Variants in DSCAM observed in about 807,000 individuals in gnomAD.
The protein encoded by DSCAM is cell adhesion molecule DSCAM.
DSCAM carries 47 observed loss-of-function variants against 217.7 expected under a neutral mutation model. That is an observed-to-expected ratio of 0.22 (90% CI 0.17 to 0.28). The LOEUF (loss-of-function observed/expected upper bound fraction) is 0.28, where lower values mean the gene tolerates loss of function less well. Ranked by LOEUF, DSCAM falls within the 10% of genes least tolerant of loss-of-function variation. The pLI, the probability that DSCAM is intolerant of heterozygous loss-of-function variation, is 1.00. For synonymous variants in DSCAM, 1,056 were observed against 1,015.3 expected (o/e 1.04, Z -0.76); for missense variants, 2,080 against 2,618.3 (o/e 0.79, Z 4.49).
At chr21:40,791,081 G>C (rs2091638282) in intron 1 of DSCAM, among the ~76,000 whole-genome samples, 1 of 151,856 alleles carries the variant, frequency 6.6e-6, no homozygotes, top group Admixed American at 6.6e-5. Flanking sequence ...CTACTCAGGA[G>C]GCTAAGGCAG....
At chr21:40,692,535 C>T (rs1263788134) in intron 3 of DSCAM, among the ~76,000 whole-genome samples, 1 of 152,084 alleles carries the variant, frequency 6.6e-6, no homozygotes, top group Non-Finnish European at 1.5e-5. Context: ...GACGTAAAAC[C>T]ACAATTTTCT....
At chr21:40,578,404 T>A (rs930422227) in intron 3 of DSCAM, among the ~76,000 whole-genome samples, 2 of 151,948 alleles carry the variant, frequency 1.3e-5, no homozygotes, top group African/African-American at 4.8e-5. Flanking sequence ...AATGCACCAG[T>A]CAGCACTCTG....
At chr21:40,037,628 G>T (rs2088651569) in intron 32 of DSCAM, among the ~76,000 whole-genome samples, 1 of 149,762 alleles carries the variant, frequency 6.7e-6, no homozygotes, top group Non-Finnish European at 1.5e-5. Flanking sequence ...TCCCCATCAA[G>T]CTACCAATGC....
intron 32 of DSCAM, among the ~76,000 whole-genome samples, chr21:40,018,287 G>C (rs778762805): frequency 2.0e-5 from 3 of 152,054 alleles, no homozygotes; most frequent in Non-Finnish European, 4.4e-5. Context: ...TCCTGAAAGT[G>C]ATTATGTCTT....
chr21:40,579,738 C>G (rs994196066), intron 3 of DSCAM, among the ~76,000 whole-genome samples: 1 of 152,174 alleles, frequency 6.6e-6, no homozygotes, highest in Non-Finnish European at 1.5e-5. Context: ...AGGATTCCAT[C>G]TCCATTTATG....
intron 3 of DSCAM, among the ~76,000 whole-genome samples, chr21:40,437,473 A>G (rs2075593284): frequency 6.6e-6 from 1 of 152,306 alleles, no homozygotes; most frequent in South Asian, 2.1e-4. Context: ...ACCCTGTGAG[A>G]CCAGCTTTAT....
intron 24 of DSCAM, among the ~76,000 whole-genome samples, chr21:40,081,084 T>C (rs1049381622): frequency 1.3e-5 from 2 of 152,176 alleles, no homozygotes; most frequent in Non-Finnish European, 2.9e-5. Context: ...CCAGAGCAGT[T>C]AAGCGGTGAG....
intron 3 of DSCAM, among the ~76,000 whole-genome samples, chr21:40,442,514 T>G (rs2075639928): frequency 1.2e-5 from 1 of 85,998 alleles, no homozygotes; most frequent in Non-Finnish European, 2.7e-5. Context: ...TAATTTTTTT[T>G]TTGTTTTTTT....
chr21:40,304,346 C>T (rs894760483), intron 9 of DSCAM, among the ~76,000 whole-genome samples: 2 of 152,218 alleles, frequency 1.3e-5, no homozygotes, highest in Non-Finnish European at 2.9e-5. Flanking sequence ...AGGGCCTTGC[C>T]CTGTATCAAG....
chr21:40,302,991 A>G (rs2074033006), intron 9 of DSCAM, among the ~76,000 whole-genome samples: 1 of 152,140 alleles, frequency 6.6e-6, no homozygotes, highest in Admixed American at 6.5e-5. Flanking sequence ...CTAAGTTGCT[A>G]TATATTTCCA....
In DSCAM at chr21:40,487,218, C is replaced by G. The variant is rs374824333; in HGVS notation, c.509-117973G>C. Among the ~76,000 whole-genome samples the G allele has an allele frequency of 2.5e-4, 38 of 151,948 alleles. No individual in the cohort carries two copies. In the South Asian group the frequency reaches 7.5e-3, roughly 30 times the overall value. On this transcript the variant is annotated intron_variant, in intron 3 of 32. Coordinates refer to ENST00000400454, the MANE Select transcript of DSCAM (RefSeq NM_001389.5). ...GGGTGAGAAAGCACTTTCTCCCTCT[C>G]TCTATAACCTGTAACTCTCTCTCTC...
intron 10 of DSCAM, 39 bp downstream of exon 10, chr21:40,296,016 A>C: frequency 6.3e-7 from 1 of 1,599,448 alleles, no homozygotes; most frequent in Non-Finnish European, 8.5e-7. Context: ...AACATAGCAA[A>C]TGTTTGACAG....
At chr21:40,614,192 C>T (rs1221015856) in intron 3 of DSCAM, among the ~76,000 whole-genome samples, 7 of 152,258 alleles carry the variant, frequency 4.6e-5, no homozygotes, top group East Asian at 1.9e-4. Flanking sequence ...CAGATGCAGT[C>T]ATGGAAGTCA....
rs1229807253 is a variant in DSCAM at position 40,178,951 on chromosome 21, G to C, written c.2923C>G (p.Leu975Val). 1 of 1,613,964 alleles carries C rather than the reference G, an allele frequency of 6.2e-7. No homozygotes were observed. The highest frequency in any genetic ancestry group is 8.5e-7 in the Non-Finnish European group (1 of 1,180,020). ...CCTGCCTCGTCCGCCGTGATGGTGAGCTCGTTGCTGGGCTCGCTCTTGCCA... is the reference window on the plus strand; with the variant it reads ...CCTGCCTCGTCCGCCGTGATGGTGACCTCGTTGCTGGGCTCGCTCTTGCCA... Reference protein sequence around the residue: ...RIGKSEPSNELTITADEAAPD... With the variant: ...RIGKSEPSNEVTITADEAAPD... Residue 975 changes from leucine (L) to valine (V), a missense_variant, in exon 15 of 33, where the codon CTC (leucine) becomes GTC (valine). Around this residue, in one of 5 missense-constraint regions of DSCAM, gnomAD observed 1,144 missense variants for 1,421.1 expected, o/e 0.81. Transcript: ENST00000400454.
rs145495228 is a variant in DSCAM at position 40,725,523 on chromosome 21, G to A, written c.44-16752C>T. Among the ~76,000 whole-genome samples, 602 of 152,308 alleles carry A rather than the reference G, an allele frequency of 4.0e-3. 6 individuals carry two copies. The highest frequency in any genetic ancestry group is 0.013 in the African/African-American group (521 of 41,570). Reference sequence around the variant, plus strand: ...GCCCTTGCATATCAACAGACTGTTCGTATATGTGACTTTATTCATTGCCAA... The same window carrying A: ...GCCCTTGCATATCAACAGACTGTTCATATATGTGACTTTATTCATTGCCAA... On this transcript the variant is annotated intron_variant, in intron 1 of 32. Coordinates refer to ENST00000400454, the MANE Select transcript of DSCAM (RefSeq NM_001389.5).
chr21:40,653,723 T>C (rs2090041568), intron 3 of DSCAM, among the ~76,000 whole-genome samples: 1 of 152,212 alleles, frequency 6.6e-6, no homozygotes, highest in Non-Finnish European at 1.5e-5. Context: ...CCACCTGGCA[T>C]CATGCAGTAT....
rs1482285120 is a variant in DSCAM at position 40,755,687 on chromosome 21, G to T, written c.44-46916C>A. Among the ~76,000 whole-genome samples the T allele has an allele frequency of 2.0e-5, 3 of 152,172 alleles. No individual in the cohort carries two copies. In the East Asian group the frequency reaches 5.8e-4, roughly 29 times the overall value. On this transcript the variant is annotated intron_variant, in intron 1 of 32. Transcript: ENST00000400454. ...TGAGGTAGCACCCTGGCCCCCCAAG[G>T]TATAGGCGAGTTGTGTAGGGGATTC...
chr21:40,057,023 C>G (rs1249381149), intron 28 of DSCAM, among the ~76,000 whole-genome samples: 1 of 152,162 alleles, frequency 6.6e-6, no homozygotes, highest in Non-Finnish European at 1.5e-5. Flanking sequence ...ACTCAAGTAC[C>G]CCCTTAGATG....
intron 1 of DSCAM, among the ~76,000 whole-genome samples, chr21:40,741,883 A>T (rs1468563346): frequency 6.6e-6 from 1 of 152,184 alleles, no homozygotes; most frequent in Non-Finnish European, 1.5e-5. Context: ...CTATATGTTC[A>T]TTCCTTCATT....
Sources: gnomAD v4.1 joint callset for allele counts (sites outside exome capture counted in the v4.1 genomes callset) on GRCh38, gnomAD v4.1.1 for gene constraint, gnomAD v4.1.1 regional missense constraint, MANE v1.5 for transcripts, NCBI Gene and HGNC (gene_info 2026-07-23, HGNC 2026-07-21) for gene names.